Variants in ANP32B observed in about 807,000 individuals in gnomAD.
The protein encoded by ANP32B is acidic nuclear phosphoprotein 32 family member B, also known as acidic leucine-rich nuclear phosphoprotein 32 family member B.
ANP32B carries 6 observed loss-of-function variants against 32.2 expected under a neutral mutation model. The observed-to-expected ratio is 0.19, with a 90% CI of 0.10 to 0.37. The LOEUF (loss-of-function observed/expected upper bound fraction) is 0.37, where lower values mean the gene tolerates loss of function less well. Ranked by LOEUF, ANP32B falls within the 10% of genes least tolerant of loss-of-function variation. ANP32B has a pLI of 1.00. For missense variants in ANP32B, 204 were observed against 289.2 expected (o/e 0.71, Z 2.14); for synonymous variants, 98 against 105.8 (o/e 0.93, Z 0.45).
chr9:97,998,773 T>C (rs1469155071), intron 3 of ANP32B, 95 bp downstream of exon 3: 17 of 953,158 alleles, frequency 1.8e-5, no homozygotes, highest in Middle Eastern at 2.3e-4. Context: ...TAATAATTGG[T>C]TGAGAAAGTG....
At chr9:98,000,398 C>G (rs1827970252) in intron 3 of ANP32B, among the ~76,000 whole-genome samples, 1 of 152,194 alleles carries the variant, frequency 6.6e-6, no homozygotes, top group Non-Finnish European at 1.5e-5. Flanking sequence ...CAGGTATACC[C>G]AGATACTCGG....
At chr9:97,989,344 T>C (rs962860990) in intron 1 of ANP32B, among the ~76,000 whole-genome samples, 1 of 152,158 alleles carries the variant, frequency 6.6e-6, no homozygotes, top group African/African-American at 2.4e-5. Flanking sequence ...AGAAAACAAA[T>C]ATGAGTTAAG....
intron 1 of ANP32B, 112 bp downstream of exon 1, chr9:97,983,721 G>A: frequency 1.3e-6 from 1 of 774,164 alleles, no homozygotes; most frequent in Non-Finnish European, 1.8e-6. Context: ...GAAGAGCGCA[G>A]CTCGTGGGCT....
chr9:98,004,854 T>A, intron 3 of ANP32B, 110 bp from the exon 4 acceptor site: 1 of 753,446 alleles, frequency 1.3e-6, no homozygotes, highest in Non-Finnish European at 2.1e-6. Context: ...TGAGGCTGAG[T>A]GGGTAGTGGA....
At chr9:98,006,588 A>G (rs1452261222) in intron 4 of ANP32B, among the ~76,000 whole-genome samples, 1 of 152,214 alleles carries the variant, frequency 6.6e-6, no homozygotes, top group African/African-American at 2.4e-5. Flanking sequence ...AGAAAATACC[A>G]AGAGTGCTAC....
At chr9:98,008,274 G>C (rs944540284) in intron 4 of ANP32B, among the ~76,000 whole-genome samples, 3 of 152,188 alleles carry the variant, frequency 2.0e-5, no homozygotes, top group Non-Finnish European at 4.4e-5. Context: ...GTTTCAAACA[G>C]TAGGAGTGAT....
intron 5 of ANP32B, among the ~76,000 whole-genome samples, chr9:98,012,041 T>G (rs1306883374): frequency 1.3e-5 from 2 of 152,220 alleles, no homozygotes; most frequent in Non-Finnish European, 2.9e-5. Context: ...TTGTGTGATG[T>G]CATTAGGTGT....
At chr9:97,984,908 C>G (rs1329089185) in intron 1 of ANP32B, among the ~76,000 whole-genome samples, 1 of 150,956 alleles carries the variant, frequency 6.6e-6, no homozygotes, top group Non-Finnish European at 1.5e-5. Context: ...TGGCCTCCCA[C>G]GTGCTTGAGA....
At chr9:98,009,078 C>T (rs1828136651) in intron 4 of ANP32B, among the ~76,000 whole-genome samples, 1 of 152,110 alleles carries the variant, frequency 6.6e-6, no homozygotes, top group South Asian at 2.1e-4. Flanking sequence ...AAATAGCTTT[C>T]CCTTCCATTG....
chr9:97,985,988 A>G (rs1587869747), intron 1 of ANP32B, among the ~76,000 whole-genome samples: 1 of 152,144 alleles, frequency 6.6e-6, no homozygotes, highest in East Asian at 1.9e-4. Context: ...TGCTCGGCTA[A>G]TTTTGTATTT....
intron 1 of ANP32B, chr9:97,984,553 G>GGC (rs1827669333): frequency 7.0e-6 from 1 of 143,830 alleles, no homozygotes; most frequent in Non-Finnish European, 1.5e-5. Flanking sequence ...CACGCCAGCC[G>GGC]GGGCGCGCCA....
At chr9:97,993,127 G>A (rs1013245262) in intron 1 of ANP32B, among the ~76,000 whole-genome samples, 1 of 152,196 alleles carries the variant, frequency 6.6e-6, no homozygotes, top group African/African-American at 2.4e-5. Flanking sequence ...AAGGAAGGAA[G>A]AAGTAAGTGG....
chr9:97,987,919 T>A (rs534716547), intron 1 of ANP32B, among the ~76,000 whole-genome samples: 83 of 152,172 alleles, frequency 5.5e-4, no homozygotes, highest in South Asian at 1.7e-3. Context: ...CTAATTGGGG[T>A]TTTTTTCCTT....
At chr9:98,007,835 C>T (rs936239347) in intron 4 of ANP32B, among the ~76,000 whole-genome samples, 3 of 152,140 alleles carry the variant, frequency 2.0e-5, no homozygotes, top group African/African-American at 7.2e-5. Context: ...TGTCTGTTCA[C>T]GCAGTTCTGT....
intron 3 of ANP32B, among the ~76,000 whole-genome samples, chr9:98,001,392 C>T (rs1203082255): frequency 1.3e-5 from 2 of 151,638 alleles, no homozygotes; most frequent in African/African-American, 4.8e-5. Flanking sequence ...TGGGGTTTCA[C>T]TGTGTTTGCC....
chr9:98,011,732 T>C (rs1380778604), intron 5 of ANP32B, among the ~76,000 whole-genome samples: 3 of 152,352 alleles, frequency 2.0e-5, no homozygotes, highest in African/African-American at 4.8e-5. Context: ...GGGAAGTTTA[T>C]GTTTACCAAG....
intron 1 of ANP32B, among the ~76,000 whole-genome samples, chr9:97,989,816 T>C (rs1225820399): frequency 6.6e-6 from 1 of 152,172 alleles, no homozygotes; most frequent in Non-Finnish European, 1.5e-5. Context: ...GGAGATCCAC[T>C]GAGAACCCCA....
chr9:98,000,967 C>T (rs999899584), intron 3 of ANP32B, among the ~76,000 whole-genome samples: 9 of 151,642 alleles, frequency 5.9e-5, no homozygotes, highest in Admixed American at 5.9e-4. Flanking sequence ...TTTTCCATAG[C>T]CCTTGGGACC....
At position 98,001,457 on chromosome 9, in the gene ANP32B, G is replaced by A. The variant is rs141417202; in HGVS notation, c.327+2779G>A. Among the ~76,000 whole-genome samples, 245 of 152,280 alleles carry A rather than the reference G, an allele frequency of 1.6e-3. 2 individuals carry two copies. The East Asian group carries it at 0.028, about 17-fold the overall frequency. On this transcript the variant is annotated intron_variant, in intron 3 of 6. Coordinates refer to ENST00000339399, the MANE Select transcript of ANP32B (RefSeq NM_006401.3). ...TCCGCCTGCCTCAGCCTCCCAAAGC[G>A]CTGGGATTACAGGCGTGAGCCACCA...
Sources: allele counts gnomAD v4.1 joint callset (sites outside exome capture counted in the v4.1 genomes callset), GRCh38; gene constraint gnomAD v4.1.1; transcripts MANE v1.5; gene names NCBI Gene and HGNC (gene_info 2026-07-23, HGNC 2026-07-21).